BAZ1B: variants seen among roughly 807,000 people sequenced by gnomAD.
BAZ1B encodes the protein tyrosine-protein kinase BAZ1B.
In BAZ1B, 22 loss-of-function variants were observed where a neutral mutation model predicts 153.8. That is an observed-to-expected ratio of 0.14 (90% CI 0.10 to 0.20). The LOEUF (loss-of-function observed/expected upper bound fraction) is 0.20. Among genes scored for constraint, BAZ1B ranks in the 10% least tolerant of loss-of-function variants. The probability of loss-of-function intolerance (pLI) is 1.00; values close to 1 mark genes in which losing one functional copy is unlikely to be tolerated. For missense variants in BAZ1B, 1,325 were observed against 1,799.3 expected, an observed-to-expected ratio of 0.74 and a Z score of 4.77; for synonymous variants, 676 against 633.4, an observed-to-expected ratio of 1.07 and a Z score of -1.01.
At chr7:73,459,443 C>T (rs1319715287) in intron 13 of BAZ1B, 93 bp downstream of exon 13, 3 of 1,312,312 alleles carry the variant, frequency 2.3e-6, no homozygotes, top group Non-Finnish European at 3.1e-6. Flanking sequence ...GGCACAGTGC[C>T]TATAGCAGCT....
At chr7:73,486,585 C>T (rs905238386) in intron 6 of BAZ1B, among the ~76,000 whole-genome samples, 3 of 152,168 alleles carry the variant, frequency 2.0e-5, no homozygotes, top group Non-Finnish European at 4.4e-5. Flanking sequence ...CTCGGCCTCC[C>T]AAAGTGCTAG....
At position 73,489,467 on chromosome 7, in the gene BAZ1B, T is replaced by C. The variant is rs542718677; in HGVS notation, c.694-76A>G. 5 of 1,487,112 alleles carry C rather than the reference T, an allele frequency of 3.4e-6. No homozygotes were observed. The East Asian group carries it at 6.9e-5, about 20-fold the overall frequency. The allele number at this position is 1,487,112 out of a possible 1,614,324, so 92.1% of individuals were successfully genotyped here. A position where few individuals can be genotyped will look rare whatever the true frequency, so the allele number is the denominator to read the frequency against. On this transcript the variant is annotated intron_variant, in intron 5 of 19. Transcript: ENST00000339594. Reference sequence around the variant, plus strand: ...CCAAATGAGAACAAGCAATATACGTTCTCTCCAGAAAAATCAAAATTCCAT... The same window carrying C: ...CCAAATGAGAACAAGCAATATACGTCCTCTCCAGAAAAATCAAAATTCCAT...
chr7:73,470,921 G>C (rs1168980313), intron 7 of BAZ1B, among the ~76,000 whole-genome samples: 1 of 152,140 alleles, frequency 6.6e-6, no homozygotes, highest in African/African-American at 2.4e-5. Flanking sequence ...TTTTAGTAGA[G>C]ACGGGGTTTC....
chr7:73,508,233 A>G, intron 3 of BAZ1B, 94 bp downstream of exon 3: 1 of 1,285,762 alleles, frequency 7.8e-7, no homozygotes. Flanking sequence ...ACTAAATATA[A>G]CACAGTTTTA....
intron 6 of BAZ1B, among the ~76,000 whole-genome samples, chr7:73,486,395 C>T (rs766775815): frequency 5.9e-5 from 9 of 152,068 alleles, no homozygotes; most frequent in African/African-American, 1.9e-4. Flanking sequence ...GGCGTGATCT[C>T]GGCTCACTAC....
At position 73,469,530 on chromosome 7, in the gene BAZ1B, ATCC is replaced by A; in HGVS notation, c.2850_2852del (p.Glu950del). On this transcript the variant is annotated inframe_deletion, in exon 9 of 20. Coordinates refer to ENST00000339594, the MANE Select transcript of BAZ1B (RefSeq NM_032408.4). ...AGATATACTCACTGCGAGGACAGTA[ATCC>A]TCATCACCAGAGACTGTGTGGTCTT... 6 of 1,614,236 alleles carry A rather than the reference ATCC, an allele frequency of 3.7e-6. No individual in the cohort carries two copies. The highest frequency in any genetic ancestry group is 5.1e-6 in the Non-Finnish European group (6 of 1,180,032).
intron 13 of BAZ1B, among the ~76,000 whole-genome samples, chr7:73,453,215 A>G (rs1320671999): frequency 1.3e-5 from 2 of 152,268 alleles, no homozygotes; most frequent in East Asian, 3.8e-4. Flanking sequence ...ACCACGAGGC[A>G]TAATGCCATT....
At chr7:73,465,329 TA>T in intron 11 of BAZ1B, 109 bp downstream of exon 11, 1 of 683,084 alleles carries the variant, frequency 1.5e-6, no homozygotes, top group Non-Finnish European at 2.3e-6. Flanking sequence ...GTTACACATT[TA>T]AAATATTTTA....
intron 15 of BAZ1B, 66 bp downstream of exon 15, chr7:73,449,476 C>G (rs1787954180): frequency 2.0e-6 from 3 of 1,511,188 alleles, no homozygotes; most frequent in Non-Finnish European, 2.7e-6. Flanking sequence ...TTGAATAACT[C>G]AAGCTTAATT....
At chr7:73,482,869 G>A (rs1216009321) in intron 6 of BAZ1B, among the ~76,000 whole-genome samples, 2 of 152,086 alleles carry the variant, frequency 1.3e-5, no homozygotes, top group African/African-American at 2.4e-5. Context: ...GGCTCCCCAC[G>A]TGAGCAGTCC....
chr7:73,503,180 CAA>C (rs1206016600), intron 3 of BAZ1B, among the ~76,000 whole-genome samples: 1 of 152,130 alleles, frequency 6.6e-6, no homozygotes, highest in Admixed American at 6.6e-5. Flanking sequence ...GAGTGCTTTC[CAA>C]AATATATGTG....
At chr7:73,488,431 T>A (rs936992708) in intron 6 of BAZ1B, among the ~76,000 whole-genome samples, 1 of 152,054 alleles carries the variant, frequency 6.6e-6, no homozygotes, top group Non-Finnish European at 1.5e-5. Flanking sequence ...AGTGAGGATT[T>A]TAAAAATTAC....
At chr7:73,472,345 G>A (rs902286181) in intron 7 of BAZ1B, among the ~76,000 whole-genome samples, 2 of 151,144 alleles carry the variant, frequency 1.3e-5, no homozygotes, top group East Asian at 1.9e-4. Context: ...CGCAACCTCC[G>A]CCTGCCGGGT....
intron 3 of BAZ1B, among the ~76,000 whole-genome samples, chr7:73,502,881 T>C (rs955412539): frequency 1.3e-5 from 2 of 152,212 alleles, no homozygotes; most frequent in African/African-American, 4.8e-5. Context: ...ACAAACATTC[T>C]GAGTTAGTTT....
chr7:73,452,271 C>G (rs892355736), intron 13 of BAZ1B, among the ~76,000 whole-genome samples: 5 of 152,140 alleles, frequency 3.3e-5, no homozygotes, highest in Admixed American at 2.6e-4. Flanking sequence ...GTACTTTCAT[C>G]AGTTTTACTG....
At chr7:73,469,765 A>G (rs1218266336) in intron 8 of BAZ1B, 115 bp from the exon 9 acceptor site, 11 of 1,246,446 alleles carry the variant, frequency 8.8e-6, no homozygotes, top group East Asian at 4.8e-5. Flanking sequence ...CACAGTTTAC[A>G]GAATTCTTCC....
rs1554570611 is a variant in BAZ1B at position 73,462,984 on chromosome 7, C to A, written c.3187G>T (p.Ala1063Ser). 1 of 1,614,046 alleles carries A rather than the reference C, an allele frequency of 6.2e-7. No individual in the cohort carries two copies. Among genetic ancestry groups the A allele is most frequent in the Non-Finnish European group, 8.5e-7 (1 of 1,179,982 alleles). Reference sequence around the variant, plus strand: ...AGTCCTCCTTTTTGTAACCTTGTTGCAACTTCAATGAGATCACTACGAAGG... The same window carrying A: ...AGTCCTCCTTTTTGTAACCTTGTTGAAACTTCAATGAGATCACTACGAAGG... The part of the protein sequence containing the change: ...NFLRSDLIEV[A>S]TRLQKGGLGY... The change falls in exon 12 of 20, where the codon GCA becomes TCA. Residue 1063 changes from alanine (A) to serine (S), a missense_variant. Around this residue, in one of 9 missense-constraint regions of BAZ1B, gnomAD observed 431 missense variants for 563.5 expected, o/e 0.76. Coordinates refer to ENST00000339594, the MANE Select transcript of BAZ1B (RefSeq NM_032408.4).
chr7:73,479,882 G>A (rs997616615), intron 6 of BAZ1B, among the ~76,000 whole-genome samples: 13 of 152,094 alleles, frequency 8.5e-5, no homozygotes, highest in Non-Finnish European at 1.0e-4. Context: ...AAAAGTGGGT[G>A]GTCTCAGCTG....
intron 3 of BAZ1B, among the ~76,000 whole-genome samples, chr7:73,499,989 G>C (rs782105550): frequency 3.3e-5 from 5 of 151,976 alleles, no homozygotes; most frequent in Non-Finnish European, 7.4e-5. Context: ...TTCTGTTATT[G>C]TTTTAAAGAA....
Sources: gnomAD v4.1 joint callset for allele counts (sites outside exome capture counted in the v4.1 genomes callset) on GRCh38, gnomAD v4.1.1 for gene constraint, gnomAD v4.1.1 regional missense constraint, MANE v1.5 for transcripts, NCBI Gene and HGNC (gene_info 2026-07-23, HGNC 2026-07-21) for gene names.